Variants in NALF1 observed in about 807,000 individuals in gnomAD.
NALF1 encodes the protein NALCN channel auxiliary factor 1, also known as family with sequence similarity 155 member A.
A neutral mutation model predicts 48.4 loss-of-function variants in NALF1; 3 were observed. That is an observed-to-expected ratio of 0.06 (90% CI 0.03 to 0.16). NALF1 has a LOEUF of 0.16. NALF1 is among the 10% of genes least tolerant of loss of function. The pLI is 1.00. For missense variants in NALF1, 526 were observed against 571.5 expected (o/e 0.92, Z 0.81); for synonymous variants, 262 against 245.7 (o/e 1.07, Z -0.62).
At chr13:107,766,593 A>G (rs886650818) in intron 1 of NALF1, among the ~76,000 whole-genome samples, 4 of 152,222 alleles carry the variant, frequency 2.6e-5, no homozygotes, top group Non-Finnish European at 4.4e-5. Flanking sequence ...AGATGGGCTA[A>G]GTGTCAAACA....
At chr13:107,496,059 C>T (rs1875323541) in intron 1 of NALF1, among the ~76,000 whole-genome samples, 1 of 152,058 alleles carries the variant, frequency 6.6e-6, no homozygotes, top group South Asian at 2.1e-4. Flanking sequence ...TATTTTAATT[C>T]TGGTAATATA....
chr13:107,597,466 G>C (rs1227242115), intron 1 of NALF1, among the ~76,000 whole-genome samples: 1 of 152,082 alleles, frequency 6.6e-6, no homozygotes, highest in East Asian at 1.9e-4. Flanking sequence ...TATAATGACA[G>C]TGACAATGCA....
chr13:107,225,149 C>T (rs1332049390), intron 1 of NALF1, among the ~76,000 whole-genome samples: 3 of 152,116 alleles, frequency 2.0e-5, no homozygotes, highest in Non-Finnish European at 4.4e-5. Context: ...GCTGGGATTA[C>T]AGGCACGCAC....
intron 1 of NALF1, among the ~76,000 whole-genome samples, chr13:107,266,633 C>A (rs1478796816): frequency 6.6e-6 from 1 of 152,062 alleles, no homozygotes; most frequent in African/African-American, 2.4e-5. Context: ...ACTTATATAT[C>A]TAAACTATGA....
intron 1 of NALF1, among the ~76,000 whole-genome samples, chr13:107,349,739 CAAAA>C (rs35813555): frequency 1.0e-5 from 1 of 99,218 alleles, no homozygotes; most frequent in Non-Finnish European, 2.2e-5. Context: ...GAATACGTCT[CAAAA>C]AAAAAAAAAA....
intron 1 of NALF1, among the ~76,000 whole-genome samples, chr13:107,339,448 G>A (rs1264889796): frequency 1.3e-5 from 2 of 151,950 alleles, no homozygotes; most frequent in South Asian, 2.1e-4. Flanking sequence ...TTCCACCTCT[G>A]ATTTTGTTGG....
chr13:107,510,205 G>C (rs1485225207), intron 1 of NALF1, among the ~76,000 whole-genome samples: 1 of 152,128 alleles, frequency 6.6e-6, no homozygotes, highest in African/African-American at 2.4e-5. Context: ...ATTGCTATTT[G>C]AGTGATAGCA....
chr13:107,555,510 G>A (rs1877442725), intron 1 of NALF1, among the ~76,000 whole-genome samples: 1 of 141,908 alleles, frequency 7.0e-6, no homozygotes, highest in Non-Finnish European at 1.5e-5. Context: ...TGCCAGGCTG[G>A]TCTCAAACTC....
At chr13:107,783,227 C>A (rs536439867) in intron 1 of NALF1, among the ~76,000 whole-genome samples, 3,128 of 61,936 alleles carry the variant, frequency 0.051, 212 homozygotes, top group Non-Finnish European at 0.075. Flanking sequence ...CCGCCCCGTC[C>A]GGGAGGGAGG....
chr13:107,510,355 A>G (rs1303351626), intron 1 of NALF1, among the ~76,000 whole-genome samples: 1 of 152,176 alleles, frequency 6.6e-6, no homozygotes, highest in African/African-American at 2.4e-5. Context: ...ACAGAAGAGG[A>G]ATGCTATCTC....
intron 1 of NALF1, among the ~76,000 whole-genome samples, chr13:107,223,055 G>T (rs1432215142): frequency 6.6e-6 from 1 of 152,098 alleles, no homozygotes; most frequent in African/African-American, 2.4e-5. Context: ...TAGAAATTGG[G>T]CTAATAAGTA....
At chr13:107,402,141 T>G (rs1471283882) in intron 1 of NALF1, among the ~76,000 whole-genome samples, 10 of 152,158 alleles carry the variant, frequency 6.6e-5, no homozygotes, top group Admixed American at 5.9e-4. Context: ...GCTAACAGAC[T>G]CTCTCCTTTG....
At chr13:107,852,654 A>T (rs1880347540) in intron 1 of NALF1, among the ~76,000 whole-genome samples, 1 of 152,214 alleles carries the variant, frequency 6.6e-6, no homozygotes, top group African/African-American at 2.4e-5. Flanking sequence ...TGCTCATTCC[A>T]CAAGCATGGG....
chr13:107,575,124 A>G (rs1878100472), intron 1 of NALF1, among the ~76,000 whole-genome samples: 1 of 152,128 alleles, frequency 6.6e-6, no homozygotes, highest in African/African-American at 2.4e-5. Context: ...TCCATTTTCC[A>G]CTAACACTGG....
At chr13:107,404,555 T>G (rs1883866928) in intron 1 of NALF1, among the ~76,000 whole-genome samples, 1 of 152,150 alleles carries the variant, frequency 6.6e-6, no homozygotes, top group Non-Finnish European at 1.5e-5. Context: ...TTTAAAAGCA[T>G]GCAATTAATG....
At chr13:107,197,043 T>C (rs1310082661) in intron 2 of NALF1, among the ~76,000 whole-genome samples, 1 of 151,978 alleles carries the variant, frequency 6.6e-6, no homozygotes, top group East Asian at 1.9e-4. Context: ...GTCATCAGAG[T>C]GGGGCCCGCT....
Position 107,743,378 on chromosome 13 carries a change from T to C in NALF1, c.915+122304A>G, listed in dbSNP as rs1876692302. On this transcript the variant is annotated intron_variant, in intron 1 of 2. Transcript: ENST00000375915. ...CTGTGACAAGAAACTTACTTTCTGG[T>C]AAGAAACGGCATGCTTATATTGCTC... Among the ~76,000 whole-genome samples, 3 of 152,144 alleles carry C rather than the reference T, an allele frequency of 2.0e-5. No homozygotes were observed. The South Asian group carries it at 6.2e-4, about 32-fold the overall frequency.
intron 1 of NALF1, among the ~76,000 whole-genome samples, chr13:107,645,697 A>T (rs1880298245): frequency 8.3e-6 from 1 of 120,084 alleles, no homozygotes; most frequent in Non-Finnish European, 1.9e-5. Context: ...AAAAAAAAAA[A>T]AAAAAAAATC....
intron 1 of NALF1, among the ~76,000 whole-genome samples, chr13:107,813,828 T>G (rs568077036): frequency 1.4e-3 from 209 of 152,302 alleles, no homozygotes; most frequent in African/African-American, 4.9e-3. Flanking sequence ...CAGGTGGGTC[T>G]GTGTTGCTGA....
Sources: allele counts gnomAD v4.1 joint callset (sites outside exome capture counted in the v4.1 genomes callset), GRCh38; gene constraint gnomAD v4.1.1; transcripts MANE v1.5; gene names NCBI Gene and HGNC (gene_info 2026-07-23, HGNC 2026-07-21).